The following CSMD1 variants were observed in gnomAD, a reference collection of about 807,000 sequenced individuals.
CSMD1 encodes the protein CUB and sushi domain-containing protein 1.
In CSMD1, 213 loss-of-function variants were observed where a neutral mutation model predicts 417.5. That is an observed-to-expected ratio of 0.51 (90% CI 0.46 to 0.57). CSMD1 has a LOEUF of 0.57. CSMD1 is among the 20% of genes least tolerant of loss of function. The pLI is 0.00. For synonymous variants in CSMD1, 2,862 were observed against 1,736.8 expected, an observed-to-expected ratio of 1.65 and a Z score of -16.11; for missense variants, 6,923 against 4,529.7, an observed-to-expected ratio of 1.53 and a Z score of -15.17.
intron 3 of CSMD1, among the ~76,000 whole-genome samples, chr8:4,129,855 C>A (rs1310144602): frequency 6.6e-6 from 1 of 152,102 alleles, no homozygotes; most frequent in Non-Finnish European, 1.5e-5. Context: ...ATGGTTCCTG[C>A]TTTTTCATAG....
intron 3 of CSMD1, among the ~76,000 whole-genome samples, chr8:4,271,976 A>G (rs75125740): frequency 0.018 from 2,772 of 152,224 alleles, 46 homozygotes; most frequent in Non-Finnish European, 0.028. Context: ...AGCCCTCCCT[A>G]TATAGATGGA....
At chr8:4,329,898 G>A (rs534217874) in intron 3 of CSMD1, among the ~76,000 whole-genome samples, 1 of 151,406 alleles carries the variant, frequency 6.6e-6, no homozygotes, top group African/African-American at 2.4e-5. Context: ...TTTCTCTCTT[G>A]TTCCTGCTCT....
chr8:3,888,956 G>A (rs562591116), intron 5 of CSMD1, among the ~76,000 whole-genome samples: 1 of 152,152 alleles, frequency 6.6e-6, no homozygotes, highest in South Asian at 2.1e-4. Context: ...TTTATTAATT[G>A]TATTATATTT....
At chr8:4,162,019 C>T (rs1797202825) in intron 3 of CSMD1, among the ~76,000 whole-genome samples, 1 of 152,068 alleles carries the variant, frequency 6.6e-6, no homozygotes, top group South Asian at 2.1e-4. Flanking sequence ...CTGTATTTGC[C>T]TTCGACTTTG....
At chr8:4,513,213 G>A (rs554910511) in intron 2 of CSMD1, among the ~76,000 whole-genome samples, 10 of 152,204 alleles carry the variant, frequency 6.6e-5, no homozygotes, top group African/African-American at 2.4e-4. Flanking sequence ...TCTTATGGGG[G>A]GATGTTGATA....
intron 41 of CSMD1, 60 bp downstream of exon 41, chr8:3,142,405 C>A (rs935413377): frequency 2.3e-5 from 32 of 1,370,548 alleles, no homozygotes; most frequent in Non-Finnish European, 3.1e-5. Flanking sequence ...TACTTAAATA[C>A]AATTTACATG....
intron 46 of CSMD1, among the ~76,000 whole-genome samples, chr8:3,102,196 A>G (rs1408399582): frequency 6.6e-6 from 1 of 152,222 alleles, no homozygotes; most frequent in Non-Finnish European, 1.5e-5. Flanking sequence ...CTTGAGCACA[A>G]TCGAATCAAT....
chr8:3,524,967 CATT>C (rs1797694394), intron 10 of CSMD1, among the ~76,000 whole-genome samples: 2 of 152,302 alleles, frequency 1.3e-5, no homozygotes, highest in South Asian at 4.1e-4. Context: ...ACTGTACACT[CATT>C]AGGCACCCCA....
At chr8:3,738,789 A>C (rs371831635) in intron 6 of CSMD1, among the ~76,000 whole-genome samples, 9 of 152,346 alleles carry the variant, frequency 5.9e-5, no homozygotes, top group African/African-American at 2.2e-4. Context: ...AACTGGGTGC[A>C]CTATACAGAT....
intron 1 of CSMD1, among the ~76,000 whole-genome samples, chr8:4,842,833 G>A (rs1471238151): frequency 6.6e-6 from 1 of 152,196 alleles, no homozygotes; most frequent in Non-Finnish European, 1.5e-5. Flanking sequence ...TCTCAAAGTA[G>A]CGTAGCTGTT....
At chr8:4,153,380 A>C (rs192422745) in intron 3 of CSMD1, among the ~76,000 whole-genome samples, 38 of 152,318 alleles carry the variant, frequency 2.5e-4, no homozygotes, top group Middle Eastern at 6.8e-3. Context: ...GCAACAGTGT[A>C]ATACTCTGCA....
chr8:3,954,459 C>A (rs1441429693), intron 5 of CSMD1, among the ~76,000 whole-genome samples: 1 of 152,156 alleles, frequency 6.6e-6, no homozygotes, highest in East Asian at 1.9e-4. Context: ...CTCCTCCTCC[C>A]GGGTTCAGGC....
chr8:3,504,926 G>A (rs971421408), intron 10 of CSMD1, among the ~76,000 whole-genome samples: 1 of 152,100 alleles, frequency 6.6e-6, no homozygotes, highest in Non-Finnish European at 1.5e-5. Context: ...AGTGAAATGG[G>A]CAGAGATAGA....
intron 2 of CSMD1, among the ~76,000 whole-genome samples, chr8:4,555,461 G>C (rs1384942326): frequency 6.6e-6 from 1 of 152,128 alleles, no homozygotes; most frequent in Non-Finnish European, 1.5e-5. Context: ...TCACAAATCA[G>C]GGGGCGATTC....
In CSMD1 at chr8:3,089,526, T is replaced by C. The variant is rs192384551; in HGVS notation, c.7285+1990A>G. Among the ~76,000 whole-genome samples the C allele has an allele frequency of 3.5e-4, 53 of 152,322 alleles. No homozygotes were observed. In the East Asian group the frequency reaches 7.9e-3, roughly 23 times the overall value. The stretch of plus-strand genomic sequence containing the variant: ...CAAGAGTTTACGTGCATAGGGCAAA[T>C]ACATGTTGGGGATGCAACGTGTGGT... On this transcript the variant is annotated intron_variant, in intron 48 of 69. Transcript: ENST00000635120.
Position 3,387,689 on chromosome 8 carries a change from G to A in CSMD1, c.2594-7C>T, listed in dbSNP as rs543422843. On this transcript the variant is annotated splice_region_variant and splice_polypyrimidine_tract_variant and intron_variant, in intron 17 of 69. Transcript: ENST00000635120. ...TCCGACTCAAGCGTCACACCTGGAT[G>A]CACAGAACGAATGCAGTCGATGAGG... is the stretch of plus-strand genomic sequence containing the variant. The A allele has an allele frequency of 1.3e-6, 2 of 1,588,634 alleles. No homozygotes were observed. Among genetic ancestry groups the A allele is most frequent in the South Asian group, 1.1e-5 (1 of 87,166 alleles).
intron 1 of CSMD1, among the ~76,000 whole-genome samples, chr8:4,817,115 A>G (rs897547605): frequency 1.3e-5 from 2 of 152,054 alleles, no homozygotes; most frequent in Non-Finnish European, 2.9e-5. Flanking sequence ...GCCTCCATGT[A>G]TCTGTATATA....
rs143206933 is a variant in CSMD1, at chr8:3,959,441, G to A, written c.818+38462C>T. Among the ~76,000 whole-genome samples the A allele has an allele frequency of 6.0e-3, 908 of 152,322 alleles. 11 individuals are homozygous for A. The highest frequency in any genetic ancestry group is 0.021 in the African/African-American group (867 of 41,578). On this transcript the variant is annotated intron_variant, in intron 5 of 69. Coordinates refer to ENST00000635120, the MANE Select transcript of CSMD1 (RefSeq NM_033225.6). ...TTGAACCTGGGAGGTGGAGGTTGCA[G>A]TGAGCCAAGATCACGCCATTGCACT...
intron 2 of CSMD1, among the ~76,000 whole-genome samples, chr8:4,629,002 C>G (rs1252412856): frequency 1.3e-5 from 2 of 152,074 alleles, no homozygotes; most frequent in Admixed American, 1.3e-4. Flanking sequence ...AATAAAATGT[C>G]ATTGTTTTTA....
Sources: allele counts gnomAD v4.1 joint callset (sites outside exome capture counted in the v4.1 genomes callset), GRCh38; gene constraint gnomAD v4.1.1; transcripts MANE v1.5; gene names NCBI Gene and HGNC (gene_info 2026-07-23, HGNC 2026-07-21).